Variants in NXPE2 observed in about 807,000 individuals in gnomAD.
NXPE2 encodes NXPE family member 2.
In NXPE2, 34 loss-of-function variants were observed where a neutral mutation model predicts 34.4. The ratio of observed to expected loss-of-function variants is 0.99; its 90% CI spans 0.75 to 1.31. NXPE2 has a LOEUF of 1.31. NXPE2 is among the 40% of genes most tolerant of loss of function. NXPE2 has a pLI of 0.00. For synonymous variants in NXPE2, 235 were observed against 231.3 expected (o/e 1.02, Z -0.15); for missense variants, 649 against 672.5 (o/e 0.97, Z 0.39).
the NXPE2 span, among the ~76,000 whole-genome samples, chr11:114,465,218 GACAAGTGTGAGGATATTC>G: frequency 6.6e-6 from 1 of 152,134 alleles, no homozygotes; most frequent in Non-Finnish European, 1.5e-5. Flanking sequence ...TGCACAAGAA[GACAAGTGTGAGGATATTC>G]ATAACAGTCC....
At chr11:114,552,021 G>A in the NXPE2 span, 17 of 152,306 alleles carry the variant, frequency 1.1e-4, no homozygotes, top group East Asian at 3.3e-3. Context: ...TGTGTGAGTG[G>A]TTTCGTTTTG....
chr11:114,610,902 G>A, the NXPE2 span, among the ~76,000 whole-genome samples: 1 of 151,780 alleles, frequency 6.6e-6, no homozygotes, highest in Admixed American at 6.6e-5. Flanking sequence ...GGTAATCAAT[G>A]GTACCTGGTG....
chr11:114,621,311 G>T, the NXPE2 span, among the ~76,000 whole-genome samples: 1 of 152,148 alleles, frequency 6.6e-6, no homozygotes, highest in South Asian at 2.1e-4. Context: ...TGCTTTGTGG[G>T]TATCCACTGT....
chr11:114,527,928 T>A, the NXPE2 span: 6 of 1,565,206 alleles, frequency 3.8e-6, no homozygotes, highest in Non-Finnish European at 5.3e-6. Flanking sequence ...GAACAATAAA[T>A]TAGCCTGCTC....
the NXPE2 span, among the ~76,000 whole-genome samples, chr11:114,725,518 G>GTT: frequency 2.6e-3 from 391 of 150,826 alleles, 1 homozygote; most frequent in African/African-American, 8.3e-3. Context: ...TTTCCTGAGT[G>GTT]TTTTTTTTTA....
chr11:114,706,287 G>A (rs1591447215), intron 5 of NXPE2, 108 bp from the exon 6 acceptor site: 6 of 921,924 alleles, frequency 6.5e-6, no homozygotes, highest in South Asian at 3.9e-5. Context: ...ATAGGCAATA[G>A]TGCTTAGTTA....
chr11:114,685,987 T>C (rs1273140403), intron 2 of NXPE2, among the ~76,000 whole-genome samples: 1 of 152,184 alleles, frequency 6.6e-6, no homozygotes, highest in Non-Finnish European at 1.5e-5. Flanking sequence ...GGAAATGTTC[T>C]GTATCTTGAC....
the NXPE2 span, among the ~76,000 whole-genome samples, chr11:114,764,915 AC>A: frequency 6.6e-6 from 1 of 152,124 alleles, no homozygotes; most frequent in Non-Finnish European, 1.5e-5. Flanking sequence ...GTCTGAGTGG[AC>A]TTTTTTCCAT....
chr11:114,542,637 G>C, the NXPE2 span, among the ~76,000 whole-genome samples: 1 of 152,082 alleles, frequency 6.6e-6, no homozygotes, highest in Non-Finnish European at 1.5e-5. Context: ...TGAAGTAAAA[G>C]GACATTACTT....
the NXPE2 span, among the ~76,000 whole-genome samples, chr11:114,501,132 T>G: frequency 6.6e-6 from 1 of 152,222 alleles, no homozygotes; most frequent in Non-Finnish European, 1.5e-5. Flanking sequence ...TGGGTAGGAA[T>G]GTCCATCCTT....
the NXPE2 span, among the ~76,000 whole-genome samples, chr11:114,596,847 C>T: frequency 2.0e-5 from 3 of 152,052 alleles, no homozygotes; most frequent in Non-Finnish European, 2.9e-5. Context: ...TAATGTTAAC[C>T]TGGAGTCTGT....
chr11:114,704,129 TC>T, intron 4 of NXPE2, 77 bp downstream of exon 4: 2 of 1,073,160 alleles, frequency 1.9e-6, no homozygotes, highest in Non-Finnish European at 2.8e-6. Flanking sequence ...AGATATTTAT[TC>T]CACATTAACG....
At chr11:114,712,014 C>T (rs190797006), downstream of NXPE2, among the ~76,000 whole-genome samples, 31 of 152,106 alleles carry the variant, frequency 2.0e-4, no homozygotes, top group African/African-American at 6.7e-4. Context: ...AAGAACAGTC[C>T]CTTTAACAAA....
At chr11:114,509,128 T>C in the NXPE2 span, among the ~76,000 whole-genome samples, 1 of 152,142 alleles carries the variant, frequency 6.6e-6, no homozygotes, top group African/African-American at 2.4e-5. Flanking sequence ...AAGACACACA[T>C]GTGGCCAACA....
chr11:114,688,746 AATT>A (rs1951092295), intron 2 of NXPE2, among the ~76,000 whole-genome samples: 1 of 151,914 alleles, frequency 6.6e-6, no homozygotes, highest in South Asian at 2.1e-4. Context: ...GTTTTTAAAC[AATT>A]ATTATTATGA....
the NXPE2 span, chr11:114,527,978 G>T: frequency 9.1e-7 from 1 of 1,096,982 alleles, no homozygotes; most frequent in South Asian, 1.6e-5. Context: ...GCTTGTGAGT[G>T]AAGGAAAATT....
upstream of NXPE2, among the ~76,000 whole-genome samples, chr11:114,677,738 T>G (rs1950874370): frequency 6.6e-6 from 1 of 152,044 alleles, no homozygotes; most frequent in Non-Finnish European, 1.5e-5. Flanking sequence ...AGTATACACA[T>G]GTATATATCC....
chr11:114,475,735 G>A, the NXPE2 span, among the ~76,000 whole-genome samples: 1 of 152,118 alleles, frequency 6.6e-6, no homozygotes, highest in African/African-American at 2.4e-5. Flanking sequence ...TGTTCAATTT[G>A]AATGTCATTT....
chr11:114,697,140 C>T (rs1712837), intron 2 of NXPE2, among the ~76,000 whole-genome samples: 114,836 of 152,028 alleles, frequency 0.76, 43,920 homozygotes, highest in East Asian at 0.84. Flanking sequence ...TGAATAAGGA[C>T]GTGCCACTAT....
Sources: gnomAD v4.1 joint callset for allele counts (sites outside exome capture counted in the v4.1 genomes callset) on GRCh38, gnomAD v4.1.1 for gene constraint, MANE v1.5 for transcripts, NCBI Gene and HGNC (gene_info 2026-07-23, HGNC 2026-07-21) for gene names.